CTNND2: variants seen among roughly 807,000 people sequenced by gnomAD.
The protein encoded by CTNND2 is catenin delta-2.
Under a neutral mutation model 144.4 loss-of-function variants are expected in CTNND2, and 22 were observed. The ratio of observed to expected loss-of-function variants is 0.15; its 90% CI spans 0.11 to 0.22. The LOEUF (loss-of-function observed/expected upper bound fraction) is 0.22. Among genes scored for constraint, CTNND2 ranks in the 10% least tolerant of loss-of-function variants. The pLI is 1.00. For missense variants in CTNND2, 1,353 were observed against 1,618.8 expected (o/e 0.84, Z 2.82); for synonymous variants, 751 against 695.6 (o/e 1.08, Z -1.25).
chr5:11,249,232 A>G (rs1232076534), intron 9 of CTNND2, among the ~76,000 whole-genome samples: 2 of 152,214 alleles, frequency 1.3e-5, no homozygotes, highest in African/African-American at 2.4e-5. Flanking sequence ...TACTTCAGAA[A>G]CAAGCTGCTA....
At chr5:10,986,277 A>C (rs1737942196) in intron 20 of CTNND2, among the ~76,000 whole-genome samples, 1 of 152,192 alleles carries the variant, frequency 6.6e-6, no homozygotes, top group Non-Finnish European at 1.5e-5. Context: ...GTGCCATTGG[A>C]ACTGTTTTGA....
chr5:11,476,061 G>A (rs1767715196), intron 3 of CTNND2, among the ~76,000 whole-genome samples: 1 of 150,396 alleles, frequency 6.6e-6, no homozygotes, highest in Admixed American at 6.6e-5. Context: ...TGTAGAGATG[G>A]GATTTCACCA....
intron 16 of CTNND2, among the ~76,000 whole-genome samples, chr5:11,076,923 A>G: frequency 6.6e-6 from 1 of 152,362 alleles, no homozygotes; most frequent in South Asian, 2.1e-4. Context: ...TGGAAAAGAA[A>G]GGGATTCTTT....
At chr5:11,615,916 T>A (rs1329501563) in intron 2 of CTNND2, among the ~76,000 whole-genome samples, 2 of 152,216 alleles carry the variant, frequency 1.3e-5, no homozygotes, top group African/African-American at 4.8e-5. Context: ...TGGTGGACCA[T>A]CAGAAGTCTC....
At chr5:11,202,081 C>A (rs1737501085) in intron 10 of CTNND2, among the ~76,000 whole-genome samples, 1 of 151,992 alleles carries the variant, frequency 6.6e-6, no homozygotes, top group African/African-American at 2.4e-5. Flanking sequence ...ATGATGAAAC[C>A]ATTGAAAAGA....
chr5:11,225,221 G>T (rs1249075786), intron 10 of CTNND2, among the ~76,000 whole-genome samples: 1 of 152,108 alleles, frequency 6.6e-6, no homozygotes, highest in Non-Finnish European at 1.5e-5. Context: ...AGTAAACTAT[G>T]GACGCATGTT....
At chr5:11,554,382 A>AGATACTG (rs1303530279) in intron 3 of CTNND2, among the ~76,000 whole-genome samples, 3 of 152,186 alleles carry the variant, frequency 2.0e-5, no homozygotes, top group African/African-American at 7.2e-5. Flanking sequence ...ACACAATTCA[A>AGATACTG]GATACTGTGT....
At chr5:11,425,798 TA>T (rs1235928764) in intron 3 of CTNND2, among the ~76,000 whole-genome samples, 1 of 152,192 alleles carries the variant, frequency 6.6e-6, no homozygotes, top group Non-Finnish European at 1.5e-5. Flanking sequence ...GTGGTATGAA[TA>T]ACTTCTCATT....
chr5:11,882,071 T>C (rs991900822), intron 1 of CTNND2, among the ~76,000 whole-genome samples: 14 of 152,088 alleles, frequency 9.2e-5, no homozygotes, highest in Non-Finnish European at 1.8e-4. Flanking sequence ...TTATTATTAT[T>C]ATCATTATAA....
intron 15 of CTNND2, among the ~76,000 whole-genome samples, chr5:11,084,925 T>C (rs1749973639): frequency 6.6e-6 from 1 of 152,124 alleles, no homozygotes. Context: ...TCTACCATCA[T>C]CTCATCCCCT....
chr5:11,584,432 G>A (rs1440151086), intron 2 of CTNND2, among the ~76,000 whole-genome samples: 2 of 145,794 alleles, frequency 1.4e-5, no homozygotes, highest in East Asian at 2.0e-4. Context: ...TTTTGGGGGG[G>A]GGGAGGAGGA....
At chr5:11,813,628 G>T (rs62337739) in intron 1 of CTNND2, among the ~76,000 whole-genome samples, 7,253 of 152,240 alleles carry the variant, frequency 0.048, 238 homozygotes, top group Middle Eastern at 0.088. Flanking sequence ...TTCTAAAAGA[G>T]TCCACATCTG....
intron 9 of CTNND2, among the ~76,000 whole-genome samples, chr5:11,324,410 A>G (rs546137103): frequency 6.6e-6 from 1 of 152,326 alleles, no homozygotes; most frequent in South Asian, 2.1e-4. Flanking sequence ...TTGAAACAGC[A>G]GAGAAAACTT....
chr5:11,690,202 C>T (rs1784830758), intron 2 of CTNND2, among the ~76,000 whole-genome samples: 1 of 152,144 alleles, frequency 6.6e-6, no homozygotes, highest in Admixed American at 6.5e-5. Context: ...AGAATAGAAT[C>T]CAATGTATCC....
At chr5:11,376,352 C>G (rs1757948119) in intron 7 of CTNND2, among the ~76,000 whole-genome samples, 6 of 7,766 alleles carry the variant, frequency 7.7e-4, no homozygotes, top group Admixed American at 2.9e-3. Context: ...GTGTGTATTT[C>G]TTATTCTAAA....
chr5:11,478,378 C>T (rs577757337), intron 3 of CTNND2, among the ~76,000 whole-genome samples: 212 of 152,324 alleles, frequency 1.4e-3, no homozygotes, highest in Non-Finnish European at 2.1e-3. Context: ...CCAAATTGCT[C>T]ATGTCCCTTG....
At chr5:11,511,153 C>T (rs555471059) in intron 3 of CTNND2, among the ~76,000 whole-genome samples, 1 of 152,256 alleles carries the variant, frequency 6.6e-6, no homozygotes, top group African/African-American at 2.4e-5. Flanking sequence ...GTAATTCTTT[C>T]AAGGAATCAT....
At chr5:11,662,379 A>T (rs1031841242) in intron 2 of CTNND2, among the ~76,000 whole-genome samples, 1 of 151,544 alleles carries the variant, frequency 6.6e-6, no homozygotes, top group Non-Finnish European at 1.5e-5. Context: ...CAAGCTGAGG[A>T]GCAAGGAAGC....
intron 3 of CTNND2, among the ~76,000 whole-genome samples, chr5:11,554,848 T>G (rs1003458546): frequency 6.6e-6 from 1 of 151,698 alleles, no homozygotes. Context: ...TATCAAAATG[T>G]AATATTATGA....
Sources: gnomAD v4.1 joint callset for allele counts (sites outside exome capture counted in the v4.1 genomes callset) on GRCh38, gnomAD v4.1.1 for gene constraint, MANE v1.5 for transcripts, NCBI Gene and HGNC (gene_info 2026-07-23, HGNC 2026-07-21) for gene names.